UBR1: variants seen among roughly 807,000 people sequenced by gnomAD.
The protein encoded by UBR1 is E3 ubiquitin-protein ligase UBR1.
A neutral mutation model predicts 242.1 loss-of-function variants in UBR1; 102 were observed. That is an observed-to-expected ratio of 0.42 (90% CI 0.36 to 0.50). UBR1 has a LOEUF of 0.50. Ranked by LOEUF, UBR1 falls within the 20% of genes least tolerant of loss-of-function variation. The probability of loss-of-function intolerance (pLI) is 0.01; values close to 1 mark genes in which losing one functional copy is unlikely to be tolerated. For synonymous variants in UBR1, 675 were observed against 684.8 expected, an observed-to-expected ratio of 0.99 and a Z score of 0.22; for missense variants, 1,772 against 2,101.8, an observed-to-expected ratio of 0.84 and a Z score of 3.07.
intron 37 of UBR1, among the ~76,000 whole-genome samples, chr15:42,979,062 T>A (rs773696026): frequency 2.4e-4 from 36 of 152,022 alleles, no homozygotes; most frequent in Admixed American, 3.9e-4. Flanking sequence ...GCCCAGCTAA[T>A]TTTTGTATTT....
chr15:42,985,061 C>T (rs1385707779), intron 35 of UBR1, 119 bp from the exon 36 acceptor site: 2 of 857,930 alleles, frequency 2.3e-6, no homozygotes, highest in African/African-American at 1.7e-5. Context: ...CATTTTTCCC[C>T]TTCAAAGTCT....
intron 29 of UBR1, among the ~76,000 whole-genome samples, chr15:43,010,202 C>CT (rs2032900487): frequency 6.6e-6 from 1 of 152,102 alleles, no homozygotes; most frequent in African/African-American, 2.4e-5. Flanking sequence ...GTGGGACTCA[C>CT]TAAGTGTGGT....
intron 15 of UBR1, 145 bp from the exon 16 acceptor site, chr15:43,038,377 G>C: frequency 2.8e-6 from 2 of 718,664 alleles, no homozygotes; most frequent in Non-Finnish European, 5.0e-6. Context: ...GGGAGGCCTA[G>C]GTGGGTGGAT....
At chr15:43,060,904 T>C (rs566025553) in intron 6 of UBR1, among the ~76,000 whole-genome samples, 1 of 151,162 alleles carries the variant, frequency 6.6e-6, no homozygotes, top group African/African-American at 2.4e-5. Context: ...CCAAATATAT[T>C]TGGACTACTA....
chr15:43,013,957 A>T (rs2032965797), intron 29 of UBR1, among the ~76,000 whole-genome samples: 1 of 146,192 alleles, frequency 6.8e-6, no homozygotes, highest in African/African-American at 2.6e-5. Flanking sequence ...TACTGCTGCC[A>T]TCTCGGCTCA....
intron 29 of UBR1, among the ~76,000 whole-genome samples, chr15:43,013,699 T>A (rs772932811): frequency 6.6e-6 from 1 of 152,206 alleles, no homozygotes; most frequent in Non-Finnish European, 1.5e-5. Context: ...CTCAATGCAT[T>A]TATCAGTATA....
chr15:42,957,794 G>A (rs2031947866), intron 44 of UBR1, among the ~76,000 whole-genome samples: 1 of 152,188 alleles, frequency 6.6e-6, no homozygotes, highest in South Asian at 2.1e-4. Context: ...AAGAGCCCAG[G>A]AGTTTGAGGC....
rs752793764 is a variant in UBR1 at position 42,952,335 on chromosome 15, A to T, written c.4949T>A (p.Val1650Asp). ...CCQEIVNGEE[V>D]GACIFHALHC... ...AAGTGCGTGAAAAATGCAAGCTCCAACCTCTTCCCCGTTCACAATTTCCTG... is the reference window on the plus strand; with the variant it reads ...AAGTGCGTGAAAAATGCAAGCTCCATCCTCTTCCCCGTTCACAATTTCCTG... The change falls in exon 45 of 47, where the codon GTT (valine) becomes GAT (aspartate). Residue 1650 changes from valine to aspartate, a missense_variant. Val to Asp is a radical substitution (Grantham distance 152). This residue lies in a region of UBR1 where 965 missense variants were observed against 1,079.7 expected (regional missense o/e 0.89). Coordinates refer to ENST00000290650, the MANE Select transcript of UBR1 (RefSeq NM_174916.3). The T allele has an allele frequency of 6.2e-7, 1 of 1,614,104 alleles. No homozygotes were observed. Among genetic ancestry groups the T allele is most frequent in the East Asian group, 2.2e-5 (1 of 44,878 alleles).
chr15:42,956,467 GCACCACCAC>G (rs2031923129), intron 44 of UBR1, among the ~76,000 whole-genome samples: 1 of 152,126 alleles, frequency 6.6e-6, no homozygotes, highest in East Asian at 1.9e-4. Context: ...TTACAGGTGC[GCACCACCAC>G]ACCTGGCTAA....
At chr15:43,063,995 C>CA (rs1290259569) in intron 6 of UBR1, among the ~76,000 whole-genome samples, 2 of 152,216 alleles carry the variant, frequency 1.3e-5, no homozygotes, top group Admixed American at 6.5e-5. Context: ...CTCAGCCTCC[C>CA]AAAGTGGTGG....
intron 39 of UBR1, among the ~76,000 whole-genome samples, chr15:42,972,987 T>C (rs2032231276): frequency 1.3e-5 from 2 of 152,228 alleles, no homozygotes; most frequent in South Asian, 4.1e-4. Flanking sequence ...TTCCTGTTGC[T>C]CCACATACTT....
intron 12 of UBR1, among the ~76,000 whole-genome samples, chr15:43,053,827 A>ATTTT (rs752733899): frequency 7.6e-6 from 1 of 132,110 alleles, no homozygotes; most frequent in Non-Finnish European, 1.6e-5. Flanking sequence ...TACAGACGCA[A>ATTTT]TTTTTTTTTT....
At chr15:42,992,135 T>C (rs1462218809) in intron 33 of UBR1, among the ~76,000 whole-genome samples, 1 of 152,176 alleles carries the variant, frequency 6.6e-6, no homozygotes, top group Non-Finnish European at 1.5e-5. Flanking sequence ...ACGGTTGGTT[T>C]TTTTAGTTCC....
chr15:43,031,169 T>C (rs1359889067), intron 20 of UBR1, among the ~76,000 whole-genome samples: 2 of 151,954 alleles, frequency 1.3e-5, no homozygotes, highest in Middle Eastern at 3.2e-3. Context: ...AGATCAGAAA[T>C]ATAATTTTTT....
At chr15:43,014,880 T>TG (rs1268519575) in intron 29 of UBR1, among the ~76,000 whole-genome samples, 13 of 130,462 alleles carry the variant, frequency 1.0e-4, no homozygotes, top group African/African-American at 3.6e-4. Context: ...CAGAGGGAGG[T>TG]GGGGGGTCAG....
Position 42,945,127 on chromosome 15 carries a change from C to A in UBR1, c.*202G>T, listed in dbSNP as rs77199172. The stretch of plus-strand genomic sequence containing the variant: ...ATACTAGCACATAAAACAGATTGAT[C>A]TATGTCCTTTTTTCCTGTGAAGCAT... On this transcript the variant is annotated 3_prime_UTR_variant, in exon 47 of 47. Transcript: ENST00000290650. 1.6e-6 allele frequency: 1 copy of A among 641,708 alleles called. No individual in the cohort carries two copies. Among genetic ancestry groups the A allele is most frequent in the Admixed American group, 2.7e-5 (1 of 37,466 alleles). 39.8% of individuals were successfully genotyped at this position (641,708 alleles called of 1,614,324 possible). A position where few individuals can be genotyped will look rare whatever the true frequency, so the allele number is the denominator to read the frequency against.
At position 43,037,769 on chromosome 15, in the gene UBR1, G is replaced by A. The variant is rs781385200; in HGVS notation, c.2022+4C>T. Reference sequence around the variant, plus strand: ...ATAAATATGAATAATAGACTTTGCTGTACCTGGCTAATAAGAGACAGTCCA... The same window carrying A: ...ATAAATATGAATAATAGACTTTGCTATACCTGGCTAATAAGAGACAGTCCA... On this transcript the variant is annotated splice_donor_region_variant and intron_variant, in intron 17 of 46. Coordinates refer to ENST00000290650, the MANE Select transcript of UBR1 (RefSeq NM_174916.3). 2.5e-6 allele frequency: 4 copies of A among 1,612,678 alleles called. No homozygotes were observed. The African/African-American group carries it at 4.0e-5, about 16-fold the overall frequency.
In UBR1 at chr15:43,003,881, A is replaced by G. The variant is rs766368701; in HGVS notation, c.3465T>C (p.Tyr1155=). The G allele has an allele frequency of 7.4e-6, 12 of 1,614,158 alleles. No individual in the cohort carries two copies. The highest frequency in any genetic ancestry group is 1.6e-4 in the Middle Eastern group (1 of 6,062). ...FMDPDLAYGT[Y]TGSCGHVMHA... ...GCATTACATGACCACAGCTTCCTGTATAAGTTCCATATGCCAAGTCTGGAT... is the reference window on the plus strand; with the variant it reads ...GCATTACATGACCACAGCTTCCTGTGTAAGTTCCATATGCCAAGTCTGGAT... The change falls in exon 31 of 47, where the codon TAT becomes TAC. Residue 1155 remains tyrosine (Y), a synonymous_variant. Coordinates refer to ENST00000290650, the MANE Select transcript of UBR1 (RefSeq NM_174916.3).
chr15:43,010,938 C>T (rs143356796), intron 29 of UBR1, among the ~76,000 whole-genome samples: 4,145 of 151,712 alleles, frequency 0.027, 79 homozygotes, highest in Non-Finnish European at 0.041. Flanking sequence ...TGCAGTGAGC[C>T]GAGATCACGC....
Sources: gnomAD v4.1 joint callset for allele counts (sites outside exome capture counted in the v4.1 genomes callset) on GRCh38, gnomAD v4.1.1 for gene constraint, gnomAD v4.1.1 regional missense constraint, MANE v1.5 for transcripts, NCBI Gene and HGNC (gene_info 2026-07-23, HGNC 2026-07-21) for gene names.